EFNA5: variants seen among roughly 807,000 people sequenced by gnomAD.
The protein encoded by EFNA5 is ephrin A5.
A neutral mutation model predicts 22.9 loss-of-function variants in EFNA5; 5 were observed. That is an observed-to-expected ratio of 0.22 (90% confidence interval 0.11 to 0.46). The LOEUF (loss-of-function observed/expected upper bound fraction) is 0.46, where lower values mean the gene tolerates loss of function less well. Ranked by LOEUF, EFNA5 falls within the 20% of genes least tolerant of loss-of-function variation. The pLI is 0.99. For synonymous variants in EFNA5, 113 were observed against 112.2 expected, an observed-to-expected ratio of 1.01 and a Z score of -0.04; for missense variants, 237 against 293.3, an observed-to-expected ratio of 0.81 and a Z score of 1.40.
chr5:107,432,254 A>C (rs1748982028), intron 1 of EFNA5, among the ~76,000 whole-genome samples: 1 of 152,244 alleles, frequency 6.6e-6, no homozygotes, highest in Admixed American at 6.5e-5. Context: ...AGCCATTCAC[A>C]TAAAGGAATC....
chr5:107,378,390 GACTA>G lies in EFNA5; in HGVS notation c.*2861_*2864del, dbSNP rs1238875736. The G allele has an allele frequency of 6.6e-6, 1 of 152,126 alleles. No homozygotes were observed. The highest frequency in any genetic ancestry group is 1.5e-5 in the Non-Finnish European group (1 of 68,034). The allele number at this position is 152,126 out of a possible 1,614,324, so 9.4% of individuals were successfully genotyped here. On this transcript the variant is annotated 3_prime_UTR_variant, in exon 5 of 5. Transcript: ENST00000333274. ...CCAGGGGCAAAGGTCACTGGGGTTT[GACTA>G]ACTGGGGCTGAGTGGCAGCTATGAC...
intron 1 of EFNA5, among the ~76,000 whole-genome samples, chr5:107,599,573 T>G (rs1233752100): frequency 6.6e-6 from 1 of 152,230 alleles, no homozygotes; most frequent in African/African-American, 2.4e-5. Flanking sequence ...TCTGAATGTA[T>G]TAACTACTAA....
intron 1 of EFNA5, among the ~76,000 whole-genome samples, chr5:107,470,174 G>A (rs575134463): frequency 1.3e-5 from 2 of 152,270 alleles, no homozygotes; most frequent in Admixed American, 1.3e-4. Flanking sequence ...AACCCTGTAA[G>A]TGCCAAATCT....
intron 1 of EFNA5, among the ~76,000 whole-genome samples, chr5:107,432,412 A>G (rs1427945711): frequency 6.6e-6 from 1 of 152,184 alleles, no homozygotes; most frequent in Non-Finnish European, 1.5e-5. Flanking sequence ...AATTTCTTGG[A>G]AAATTTCTTG....
In EFNA5 at chr5:107,445,626, C is replaced by T. The variant is rs570531896; in HGVS notation, c.126-18117G>A. 6.6e-5 allele frequency among the ~76,000 whole-genome samples: 10 copies of T among 152,216 alleles called. No homozygotes were observed. The East Asian group carries it at 9.7e-4, about 15-fold the overall frequency. ...CTAGAGTTGTTCAGGCAGGGATGTT[C>T]GACAGAGGCAGAGGGACACCTAGCA... On this transcript the variant is annotated intron_variant, in intron 1 of 4. Transcript: ENST00000333274.
chr5:107,620,746 TC>T (rs1750016508), intron 1 of EFNA5, among the ~76,000 whole-genome samples: 1 of 152,040 alleles, frequency 6.6e-6, no homozygotes, highest in Non-Finnish European at 1.5e-5. Flanking sequence ...AGTTGAAAAG[TC>T]CCTCCTATTA....
At chr5:107,616,542 C>T (rs1244504818) in intron 1 of EFNA5, among the ~76,000 whole-genome samples, 1 of 152,140 alleles carries the variant, frequency 6.6e-6, no homozygotes, top group Non-Finnish European at 1.5e-5. Context: ...AGTCCATGCA[C>T]ATTCTTTTTA....
rs920120435 is a variant in EFNA5, at chr5:107,387,916, ACAAACAGTACTTTT to A, written c.419-159_419-146del. On this transcript the variant is annotated intron_variant, in intron 2 of 4. Transcript: ENST00000333274. ...TCTCTAATTCCTCCTCCAAATTAAA[ACAAACAGTACTTTT>A]CAGGTCTCACTGCTATAGAAAGGCT... 10 of 596,290 alleles carry A rather than the reference ACAAACAGTACTTTT, an allele frequency of 1.7e-5. No homozygotes were observed. In the African/African-American group the frequency reaches 1.9e-4, roughly 11 times the overall value. The allele number at this position is 596,290 out of a possible 1,614,324, so 36.9% of individuals were successfully genotyped here. A position where few individuals can be genotyped will look rare whatever the true frequency, so the allele number is the denominator to read the frequency against.
intron 1 of EFNA5, among the ~76,000 whole-genome samples, chr5:107,591,510 C>G (rs1239851403): frequency 6.6e-6 from 1 of 151,782 alleles, no homozygotes; most frequent in Non-Finnish European, 1.5e-5. Flanking sequence ...GGAATTTAAC[C>G]CATGGTAGAT....
chr5:107,464,268 T>C (rs1009537355), intron 1 of EFNA5, among the ~76,000 whole-genome samples: 2 of 152,126 alleles, frequency 1.3e-5, no homozygotes, highest in South Asian at 2.1e-4. Context: ...TCCAGGGGTA[T>C]ATGTCTCAGA....
Position 107,568,379 on chromosome 5 carries a change from T to C in EFNA5, c.125+102110A>G, listed in dbSNP as rs539621307. ...CCCATGGGAAAGCCAGAAAAGAGAATTGAGAGACAGTTAGACCAGGGAGAA... is the reference window on the plus strand; with the variant it reads ...CCCATGGGAAAGCCAGAAAAGAGAACTGAGAGACAGTTAGACCAGGGAGAA... On this transcript the variant is annotated intron_variant, in intron 1 of 4. Transcript: ENST00000333274. Among the ~76,000 whole-genome samples, 22 of 152,106 alleles carry C rather than the reference T, an allele frequency of 1.4e-4. No individual in the cohort carries two copies. In the South Asian group the frequency reaches 4.2e-3, roughly 29 times the overall value.
chr5:107,563,524 C>T (rs1008058219), intron 1 of EFNA5, among the ~76,000 whole-genome samples: 1 of 152,148 alleles, frequency 6.6e-6, no homozygotes, highest in Non-Finnish European at 1.5e-5. Flanking sequence ...GCAGCCTCCA[C>T]CTCCTAGGCT....
In EFNA5 at chr5:107,415,176, A is replaced by ATT. The variant is rs201992513; in HGVS notation, c.418+12039_418+12040dup. On this transcript the variant is annotated intron_variant, in intron 2 of 4. Transcript: ENST00000333274. ...GTACCTGTGATAAAGTATGGATGAG[A>ATT]TTATATATATATATATACATATGGA... 7.2e-3 allele frequency among the ~76,000 whole-genome samples: 1,089 copies of ATT among 152,176 alleles called. 14 individuals carry two copies. The highest frequency in any genetic ancestry group is 0.025 in the African/African-American group (1,043 of 41,496).
intron 1 of EFNA5, among the ~76,000 whole-genome samples, chr5:107,459,786 G>C (rs1373314598): frequency 6.6e-6 from 1 of 152,174 alleles, no homozygotes; most frequent in Non-Finnish European, 1.5e-5. Flanking sequence ...CACTGTCTCA[G>C]TGGGGCAGCA....
At chr5:107,629,338 A>G (rs960192403) in intron 1 of EFNA5, among the ~76,000 whole-genome samples, 3 of 152,202 alleles carry the variant, frequency 2.0e-5, no homozygotes, top group African/African-American at 7.2e-5. Flanking sequence ...CTTTCCATAT[A>G]TATGTTAATG....
rs71575440 is a variant in EFNA5, at chr5:107,424,638, G to C, written c.418+2579C>G. Among the ~76,000 whole-genome samples, 23 of 152,254 alleles carry C rather than the reference G, an allele frequency of 1.5e-4. 1 individual carries two copies. In the South Asian group the frequency reaches 4.8e-3, roughly 32 times the overall value. Reference sequence around the variant, plus strand: ...GGTGGGCAGTGAAGCTTGTTCCTGAGATCAGCAATAGAGCATCTTGTAACG... The same window carrying C: ...GGTGGGCAGTGAAGCTTGTTCCTGACATCAGCAATAGAGCATCTTGTAACG... On this transcript the variant is annotated intron_variant, in intron 2 of 4. Transcript: ENST00000333274.
intron 1 of EFNA5, among the ~76,000 whole-genome samples, chr5:107,498,994 G>GTATGTGT (rs1305620427): frequency 2.4e-5 from 1 of 41,298 alleles, no homozygotes; most frequent in African/African-American, 1.2e-4. Context: ...GTATGTATGT[G>GTATGTGT]TATCAGCCAA....
At chr5:107,482,870 C>CTCTCTCTCTCTCTCTA (rs1328872977) in intron 1 of EFNA5, among the ~76,000 whole-genome samples, 1 of 59,114 alleles carries the variant, frequency 1.7e-5, no homozygotes, top group Non-Finnish European at 3.1e-5. Context: ...CTCTCTCTCT[C>CTCTCTCTCTCTCTCTA]TATATATATA....
chr5:107,389,658 A>G (rs1201330601), intron 2 of EFNA5, among the ~76,000 whole-genome samples: 1 of 152,206 alleles, frequency 6.6e-6, no homozygotes, highest in Non-Finnish European at 1.5e-5. Context: ...CTTTAGGAGA[A>G]ATAAATCCAG....
Sources: allele counts gnomAD v4.1 joint callset (sites outside exome capture counted in the v4.1 genomes callset), GRCh38; gene constraint gnomAD v4.1.1; transcripts MANE v1.5; gene names NCBI Gene and HGNC (gene_info 2026-07-23, HGNC 2026-07-21).